IQSEC3: variants seen among roughly 807,000 people sequenced by gnomAD.
IQSEC3 encodes the protein IQ motif and Sec7 domain ArfGEF 3.
Under a neutral mutation model 105.4 loss-of-function variants are expected in IQSEC3, and 50 were observed. The ratio of observed to expected loss-of-function variants is 0.47; its 90% CI spans 0.38 to 0.60. IQSEC3 has a LOEUF of 0.60. Among genes scored for constraint, IQSEC3 ranks in the 20% least tolerant of loss-of-function variants. The pLI, the probability that IQSEC3 is intolerant of heterozygous loss-of-function variation, is 0.00. For synonymous variants in IQSEC3, 708 were observed against 746.0 expected (o/e 0.95, Z 0.83); for missense variants, 1,415 against 1,630.0 (o/e 0.87, Z 2.27).
chr12:167,090 G>C (rs1555098724), intron 11 of IQSEC3: 1 of 152,184 alleles, frequency 6.6e-6, no homozygotes, highest in South Asian at 2.1e-4. Flanking sequence ...TGCTTGGTGG[G>C]GAGGGGCGCG....
intron 5 of IQSEC3, among the ~76,000 whole-genome samples, chr12:146,520 C>T (rs1053066711): frequency 6.6e-6 from 1 of 152,080 alleles, no homozygotes; most frequent in Non-Finnish European, 1.5e-5. Context: ...GTGGCGGGCA[C>T]CTGTGGTCCC....
intron 1 of IQSEC3, among the ~76,000 whole-genome samples, chr12:76,684 G>A (rs1863542273): frequency 6.6e-6 from 1 of 152,272 alleles, no homozygotes; most frequent in Non-Finnish European, 1.5e-5. Flanking sequence ...GGCCCCAGAG[G>A]CGTGAGCTCC....
At chr12:91,296 T>A (rs1555073327) in intron 1 of IQSEC3, among the ~76,000 whole-genome samples, 1 of 152,220 alleles carries the variant, frequency 6.6e-6, no homozygotes, top group Non-Finnish European at 1.5e-5. Context: ...AGTGGAACCC[T>A]GAGTCTGACA....
At position 151,766 on chromosome 12, in the gene IQSEC3, G is replaced by A. The variant is rs532810284; in HGVS notation, c.2154-5259G>A. 3.9e-5 allele frequency among the ~76,000 whole-genome samples: 6 copies of A among 152,100 alleles called. No homozygotes were observed. In the East Asian group the frequency reaches 7.8e-4, roughly 20 times the overall value. ...GTTACTGTCTGCACTGCAACCTTGC[G>A]GACCCTGCCTAGGTCCTTGAAGCTC... On this transcript the variant is annotated intron_variant, in intron 5 of 13. Transcript: ENST00000538872.
chr12:120,519 T>G (rs2368788), intron 2 of IQSEC3, among the ~76,000 whole-genome samples: 146,076 of 152,152 alleles, frequency 0.96, 70,388 homozygotes, highest in East Asian at 1. Flanking sequence ...AGACAGGCTG[T>G]GGTGGCCACT....
At position 138,168 on chromosome 12, in the gene IQSEC3, GCC is replaced by G; in HGVS notation, c.904-96_904-95del. On this transcript the variant is annotated intron_variant, in intron 3 of 13. Coordinates refer to ENST00000538872, the MANE Select transcript of IQSEC3 (RefSeq NM_001170738.2). The surrounding 1 kb of genome is among the most constrained non-coding windows in gnomAD (Gnocchi z 7.1). ...CCCCCCCGCCCCCGTCCATTCCTGG[GCC>G]CCACCCGAGTGTGGCCGGGTGACTC... The G allele has an allele frequency of 8.8e-7, 1 of 1,141,494 alleles. No homozygotes were observed. The highest frequency in any genetic ancestry group is 1.3e-6 in the Non-Finnish European group (1 of 799,956). The allele number at this position is 1,141,494 out of a possible 1,614,324, so 70.7% of individuals were successfully genotyped here. A position where few individuals can be genotyped will look rare whatever the true frequency, so the allele number is the denominator to read the frequency against.
intron 5 of IQSEC3, chr12:144,369 C>T (rs12322959): frequency 8.3e-4 from 127 of 152,316 alleles, no homozygotes; most frequent in African/African-American, 2.9e-3. Flanking sequence ...CTATACGGCT[C>T]CCCTGCCCCC....
At position 139,040 on chromosome 12, in the gene IQSEC3, T is replaced by C; in HGVS notation, c.1677T>C (p.Ala559=). The change falls in exon 4 of 14, where the codon GCT becomes GCC. Residue 559 remains alanine (A), a synonymous_variant. Coordinates refer to ENST00000538872, the MANE Select transcript of IQSEC3 (RefSeq NM_001170738.2). The part of the protein sequence containing the change: ...SAEDSCAEAA[A]SGAADGATAP... ...AGGACTCATGCGCAGAGGCTGCGGC[T>C]AGTGGGGCGGCGGATGGGGCCACAG... is the stretch of plus-strand genomic sequence containing the variant. The C allele has an allele frequency of 2.0e-6, 3 of 1,488,016 alleles. No individual in the cohort carries two copies. The highest frequency in any genetic ancestry group is 2.7e-6 in the Non-Finnish European group (3 of 1,118,536). The allele number at this position is 1,488,016 out of a possible 1,614,324, so 92.2% of individuals were successfully genotyped here.
At chr12:70,809 C>T (rs1347739107) in intron 1 of IQSEC3, among the ~76,000 whole-genome samples, 1 of 152,252 alleles carries the variant, frequency 6.6e-6, no homozygotes, top group Non-Finnish European at 1.5e-5. Context: ...TTCTTGCATC[C>T]CCATTCAAAT....
chr12:86,108 T>C (rs1428389014), intron 1 of IQSEC3, among the ~76,000 whole-genome samples: 3 of 152,206 alleles, frequency 2.0e-5, no homozygotes, highest in Admixed American at 1.3e-4. Flanking sequence ...ACATCAGTGA[T>C]ACAGAGTGGA....
At position 125,683 on chromosome 12, in the gene IQSEC3, C is replaced by T; in HGVS notation, c.674C>T (p.Ala225Val). The change falls in exon 3 of 14, where the codon GCA becomes GTA. Residue 225 changes from alanine to valine, a missense_variant. Ala to Val is a moderately conservative substitution (Grantham distance 64, BLOSUM62 0). Transcript: ENST00000538872. ...AGGGMEDSVVAAAAVAAGRPS... is the reference protein window; with the variant it reads ...AGGGMEDSVVVAAAVAAGRPS... ...GGGGGCATGGAGGACTCCGTGGTGG[C>T]AGCGGCGGCGGTGGCAGCCGGCAGA... 1 of 1,536,510 alleles carries T rather than the reference C, an allele frequency of 6.5e-7. No homozygotes were observed. The highest frequency in any genetic ancestry group is 2.3e-5 in the East Asian group (1 of 42,818).
chr12:107,402 C>CTGTTTTTT (rs1864691786), intron 2 of IQSEC3, among the ~76,000 whole-genome samples: 1 of 75,984 alleles, frequency 1.3e-5, no homozygotes, highest in African/African-American at 5.2e-5. Flanking sequence ...AGTCTGTTTT[C>CTGTTTTTT]TTTTTTTTTT....
At chr12:106,802 A>AT (rs1365688918) in intron 2 of IQSEC3, 1 of 151,938 alleles carries the variant, frequency 6.6e-6, no homozygotes, top group Non-Finnish European at 1.5e-5. Flanking sequence ...GCTTTGTTTT[A>AT]TTTTCTCTTC....
intron 1 of IQSEC3, among the ~76,000 whole-genome samples, chr12:73,726 G>T (rs1269251194): frequency 6.6e-6 from 1 of 152,028 alleles, no homozygotes; most frequent in South Asian, 2.1e-4. Flanking sequence ...AAAGATAAAA[G>T]GTTCACCTGT....
chr12:138,310 G>A lies in IQSEC3; in HGVS notation c.947G>A (p.Arg316Gln), dbSNP rs782608816. Residue 316 changes from arginine (R) to glutamine (Q), a missense_variant, in exon 4 of 14, where the codon CGG (arginine) becomes CAG (glutamine). By Grantham distance (43) the Arg-to-Gln change is conservative (BLOSUM62 1). Around this residue, in one of 6 missense-constraint regions of IQSEC3, gnomAD observed 720 missense variants for 633.0 expected, o/e 1.14. Coordinates refer to ENST00000538872, the MANE Select transcript of IQSEC3 (RefSeq NM_001170738.2). The surrounding 1 kb of genome is among the most constrained non-coding windows in gnomAD (Gnocchi z 7.1). ...AAGTACGGCGGTCACCTGGTGTCCC[G>A]GCGCGCCGCTTGCACCATCCAAACC... ...EHKYGGHLVS[R>Q]RAACTIQTAF... 15 of 1,613,666 alleles carry A rather than the reference G, an allele frequency of 9.3e-6. No individual in the cohort carries two copies. In the Admixed American group the frequency reaches 1.2e-4, roughly 13 times the overall value.
chr12:139,085 A>AGAG lies in IQSEC3; in HGVS notation c.1735_1737dup (p.Glu579dup), dbSNP rs561980916. 2.6e-4 allele frequency: 381 copies of AGAG among 1,493,904 alleles called. 1 individual carries two copies. In the East Asian group the frequency reaches 5.4e-3, roughly 21 times the overall value. The allele number at this position is 1,493,904 out of a possible 1,614,324, so 92.5% of individuals were successfully genotyped here. On this transcript the variant is annotated inframe_insertion, in exon 4 of 14. Transcript: ENST00000538872. Reference sequence around the variant, plus strand: ...CCACAGCCCCCAAAACAGAGGAGGAAGAGGAGGAGGAGGAGACGGCGGAGG... The same window carrying AGAG: ...CCACAGCCCCCAAAACAGAGGAGGAAGAGGAGGAGGAGGAGGAGACGGCGGAGG...
In IQSEC3 at chr12:174,803, C is replaced by T; in HGVS notation, c.3319C>T (p.Leu1107=). ...VKVIVLDKPC[L]ARMEPLLSQA... ...GGTCATTGTCCTGGACAAGCCCTGC[C>T]TGGCCCGCATGGAGCCCCTGCTGAG... The change falls in exon 14 of 14, where the codon CTG becomes TTG. Residue 1107 remains leucine, a synonymous_variant. Transcript: ENST00000538872. 6.3e-7 allele frequency: 1 copy of T among 1,585,736 alleles called. No homozygotes were observed. Among genetic ancestry groups the T allele is most frequent in the Non-Finnish European group, 8.5e-7 (1 of 1,174,496 alleles).
At position 161,797 on chromosome 12, in the gene IQSEC3, G is replaced by A; in HGVS notation, c.2444-129G>A. The A allele has an allele frequency of 6.0e-6, 5 of 829,104 alleles. No homozygotes were observed. In the South Asian group the frequency reaches 9.3e-5, roughly 15 times the overall value. The allele number at this position is 829,104 out of a possible 1,614,324, so 51.4% of individuals were successfully genotyped here. A position where few individuals can be genotyped will look rare whatever the true frequency, so the allele number is the denominator to read the frequency against. On this transcript the variant is annotated intron_variant, in intron 7 of 13. Coordinates refer to ENST00000538872, the MANE Select transcript of IQSEC3 (RefSeq NM_001170738.2). Reference sequence around the variant, plus strand: ...TGGGTATGAGGCACCAGCCATTGAAGGCATGGCAAGAACCAAGGCCACCCC... The same window carrying A: ...TGGGTATGAGGCACCAGCCATTGAAAGCATGGCAAGAACCAAGGCCACCCC...
chr12:139,567 A>T (rs972478158), intron 4 of IQSEC3: 4 of 444,680 alleles, frequency 9.0e-6, no homozygotes, highest in Non-Finnish European at 1.6e-5. Context: ...TATTTTAAGA[A>T]AGATTAAAGG....
Sources: allele counts gnomAD v4.1 joint callset (sites outside exome capture counted in the v4.1 genomes callset), GRCh38; gene constraint gnomAD v4.1.1; regional missense constraint gnomAD v4.1.1; non-coding constraint Gnocchi (gnomAD v3.1); transcripts MANE v1.5; gene names NCBI Gene and HGNC (gene_info 2026-07-23, HGNC 2026-07-21).